The following LDLRAD3 variants were observed in gnomAD, a reference collection of about 807,000 sequenced individuals.
LDLRAD3 encodes low-density lipoprotein receptor class A domain-containing protein 3.
LDLRAD3 carries 20 observed loss-of-function variants against 29.4 expected under a neutral mutation model. The observed-to-expected ratio is 0.68, with a 90% CI of 0.48 to 0.99. The LOEUF is 0.99. LDLRAD3 is among the 50% of genes least tolerant of loss of function. The pLI is 0.00. For missense variants in LDLRAD3, 420 were observed against 454.3 expected, an observed-to-expected ratio of 0.92 and a Z score of 0.69; for synonymous variants, 157 against 192.7, an observed-to-expected ratio of 0.81 and a Z score of 1.53.
chr11:36,147,213 G>A (rs1031245507), intron 4 of LDLRAD3, among the ~76,000 whole-genome samples: 3 of 133,812 alleles, frequency 2.2e-5, no homozygotes, highest in East Asian at 2.5e-4. Flanking sequence ...CGCCTCCCTG[G>A]TTCATGCCAT....
intron 4 of LDLRAD3, among the ~76,000 whole-genome samples, chr11:36,160,510 G>A (rs1372623029): frequency 6.6e-6 from 1 of 151,978 alleles, no homozygotes. Flanking sequence ...ATAAAATATG[G>A]TTCCTGGGAG....
intron 2 of LDLRAD3, among the ~76,000 whole-genome samples, chr11:36,077,977 T>C (rs538078589): frequency 9.9e-5 from 15 of 152,252 alleles, no homozygotes; most frequent in Middle Eastern, 3.4e-3. Context: ...GGGAACTTTA[T>C]TGAGTAATAG....
intron 4 of LDLRAD3, among the ~76,000 whole-genome samples, chr11:36,147,671 A>C (rs1854217815): frequency 6.6e-6 from 1 of 152,154 alleles, no homozygotes; most frequent in Non-Finnish European, 1.5e-5. Flanking sequence ...GTGTTTCAGA[A>C]TATCTCCTCA....
At chr11:36,049,767 A>G (rs1197549028) in intron 2 of LDLRAD3, among the ~76,000 whole-genome samples, 2 of 152,240 alleles carry the variant, frequency 1.3e-5, no homozygotes, top group African/African-American at 4.8e-5. Context: ...AAATTAAAAT[A>G]CAGTCCTTAC....
chr11:36,180,808 T>A (rs1854750716), intron 4 of LDLRAD3, among the ~76,000 whole-genome samples: 1 of 151,946 alleles, frequency 6.6e-6, no homozygotes, highest in Admixed American at 6.6e-5. Context: ...TGCCAATTGG[T>A]GTGGTAAGAA....
chr11:36,226,145 C>T (rs1233794687), intron 4 of LDLRAD3, among the ~76,000 whole-genome samples: 9 of 152,132 alleles, frequency 5.9e-5, no homozygotes, highest in Admixed American at 5.2e-4. Context: ...CAGAGCATAA[C>T]GTATAGCTAT....
chr11:36,001,529 G>T (rs1311793284), intron 1 of LDLRAD3, among the ~76,000 whole-genome samples: 4 of 152,070 alleles, frequency 2.6e-5, no homozygotes, highest in East Asian at 1.9e-4. Context: ...TGGGTGAAAT[G>T]GTTGCTTCAG....
At chr11:36,181,362 C>A (rs190905129) in intron 4 of LDLRAD3, among the ~76,000 whole-genome samples, 3 of 152,122 alleles carry the variant, frequency 2.0e-5, no homozygotes, top group Admixed American at 2.0e-4. Context: ...GAGCCCTGAG[C>A]TAATTAAGTG....
Position 36,023,078 on chromosome 11 carries a change from C to T in LDLRAD3, c.47-13025C>T, listed in dbSNP as rs1018742532. Among the ~76,000 whole-genome samples, 11 of 152,224 alleles carry T rather than the reference C, an allele frequency of 7.2e-5. No homozygotes were observed. In the South Asian group the frequency reaches 2.3e-3, roughly 32 times the overall value. On this transcript the variant is annotated intron_variant, in intron 1 of 5. Coordinates refer to ENST00000315571, the MANE Select transcript of LDLRAD3 (RefSeq NM_174902.4). ...GAGCAGATTGTAGAAGCGGGATGGA[C>T]CAGTTTAATGGATTAAGCTACTTAA...
intron 1 of LDLRAD3, among the ~76,000 whole-genome samples, chr11:35,965,864 A>G (rs1028840063): frequency 2.2e-4 from 33 of 152,334 alleles, no homozygotes; most frequent in African/African-American, 7.9e-4. Context: ...AATCATTAAC[A>G]GGTTGCATTC....
Position 36,150,331 on chromosome 11 carries a change from C to A in LDLRAD3, c.454+51870C>A, listed in dbSNP as rs191210006. 4.5e-4 allele frequency among the ~76,000 whole-genome samples: 68 copies of A among 152,058 alleles called. 1 individual carries two copies. Among genetic ancestry groups the A allele is most frequent in the African/African-American group, 1.6e-3 (65 of 41,476 alleles). ...TCACTTGGGGCCAGGAGTTTGAGAA[C>A]AGCCAGGGCAACAAAGTGAGACCTC... On this transcript the variant is annotated intron_variant, in intron 4 of 5. Transcript: ENST00000315571.
At chr11:36,098,251 A>G (rs1028015413) in intron 3 of LDLRAD3, 76 bp from the exon 4 acceptor site, 2 of 1,559,490 alleles carry the variant, frequency 1.3e-6, no homozygotes. Flanking sequence ...GACACACGCC[A>G]GGCTGGAAGA....
chr11:36,179,830 C>CA (rs1360692832), intron 4 of LDLRAD3, among the ~76,000 whole-genome samples: 2 of 151,598 alleles, frequency 1.3e-5, no homozygotes, highest in Non-Finnish European at 2.9e-5. Context: ...CCCATCTGTA[C>CA]AAAAAAATAA....
In LDLRAD3 at chr11:36,140,654, C is replaced by T. The variant is rs567574070; in HGVS notation, c.454+42193C>T. Among the ~76,000 whole-genome samples the T allele has an allele frequency of 3.3e-5, 5 of 152,164 alleles. No homozygotes were observed. In the East Asian group the frequency reaches 9.7e-4, roughly 29 times the overall value. On this transcript the variant is annotated intron_variant, in intron 4 of 5. Transcript: ENST00000315571. ...CAGGCTGGTCCTGAACTCCTGGGAT[C>T]GAGCGATCTGCCCACTTCGGCCTCC...
At chr11:35,985,137 C>G (rs972890026) in intron 1 of LDLRAD3, among the ~76,000 whole-genome samples, 14 of 152,026 alleles carry the variant, frequency 9.2e-5, no homozygotes, top group African/African-American at 3.4e-4. Context: ...TCCTTTGTTG[C>G]CCAGGCTGAT....
At position 36,027,378 on chromosome 11, in the gene LDLRAD3, T is replaced by C. The variant is rs936513670; in HGVS notation, c.47-8725T>C. On this transcript the variant is annotated intron_variant, in intron 1 of 5. Transcript: ENST00000315571. ...TCATTTTGTCAGAAAATTCTAGATA[T>C]TGATACTTCGTGGGTTATACATGTG... Among the ~76,000 whole-genome samples, 13 of 152,266 alleles carry C rather than the reference T, an allele frequency of 8.5e-5. 1 individual carries two copies. Among genetic ancestry groups the C allele is most frequent in the Admixed American group, 6.5e-5 (1 of 15,288 alleles).
chr11:36,028,564 G>T (rs973278738), intron 1 of LDLRAD3, among the ~76,000 whole-genome samples: 1 of 152,098 alleles, frequency 6.6e-6, no homozygotes, highest in Non-Finnish European at 1.5e-5. Flanking sequence ...TATTTAAATG[G>T]TTGGGAAAAA....
chr11:35,965,256 T>C (rs1851325537), intron 1 of LDLRAD3, among the ~76,000 whole-genome samples: 2 of 152,192 alleles, frequency 1.3e-5, no homozygotes, highest in South Asian at 2.1e-4. Flanking sequence ...AATACAAAAA[T>C]GTTGTAATGG....
intron 4 of LDLRAD3, among the ~76,000 whole-genome samples, chr11:36,188,126 AC>A (rs1166816790): frequency 1.3e-5 from 2 of 152,218 alleles, no homozygotes; most frequent in East Asian, 1.9e-4. Flanking sequence ...TGAAAAGTGC[AC>A]CACATCGAGA....
Sources: allele counts gnomAD v4.1 joint callset (sites outside exome capture counted in the v4.1 genomes callset), GRCh38; gene constraint gnomAD v4.1.1; transcripts MANE v1.5; gene names NCBI Gene and HGNC (gene_info 2026-07-23, HGNC 2026-07-21).